Variants in NPC1 observed in about 807,000 individuals in gnomAD.
NPC1 encodes the protein Niemann-Pick C1 protein.
NPC1 carries 85 observed loss-of-function variants against 140.4 expected under a neutral mutation model. The ratio of observed to expected loss-of-function variants is 0.61; its 90% CI spans 0.51 to 0.72. NPC1 has a LOEUF of 0.72. NPC1 is among the 30% of genes least tolerant of loss of function. The pLI, the probability that NPC1 is intolerant of heterozygous loss-of-function variation, is 0.00. For missense variants in NPC1, 1,504 were observed against 1,623.8 expected, an observed-to-expected ratio of 0.93 and a Z score of 1.27; for synonymous variants, 656 against 624.8, an observed-to-expected ratio of 1.05 and a Z score of -0.74.
At chr18:23,528,044 G>A, downstream of NPC1, 1 of 671,818 alleles carries the variant, frequency 1.5e-6, no homozygotes, top group Non-Finnish European at 2.4e-6. Flanking sequence ...CAAGGTGGCA[G>A]TAGTGGGGGA....
chr18:23,560,512 T>G, intron 5 of NPC1, 32 bp from the exon 6 acceptor site: 1 of 1,611,924 alleles, frequency 6.2e-7, no homozygotes, highest in Non-Finnish European at 8.5e-7. Context: ...AGTACAAATC[T>G]CAATTAAAAA....
rs772150994 is a variant in NPC1 at position 23,544,950 on chromosome 18, C to CCCCCCG, written c.1947+9_1947+10insCGGGGG. 2.1e-6 allele frequency: 3 copies of CCCCCCG among 1,415,874 alleles called. No individual in the cohort carries two copies. The highest frequency in any genetic ancestry group is 1.4e-5 in the African/African-American group (1 of 71,462). 87.7% of individuals were successfully genotyped at this position (1,415,874 alleles called of 1,614,324 possible). ...ACCTCTAGAACATACACCACCCCCCCCCGGCTTACCAGAAGCCTGCGACAG... is the reference window on the plus strand; with the variant it reads ...ACCTCTAGAACATACACCACCCCCCCCCCCCGCCGGCTTACCAGAAGCCTGCGACAG... On this transcript the variant is annotated intron_variant, in intron 12 of 24. Transcript: ENST00000269228.
At chr18:23,538,988 G>A (rs1240411854) in intron 19 of NPC1, 1 of 451,216 alleles carries the variant, frequency 2.2e-6, no homozygotes, top group Non-Finnish European at 4.0e-6. Context: ...AAATTCCAGG[G>A]CAACCTCGAC....
chr18:23,543,330 GAGAAAAAAAAAAAAA>G (rs1174684641), intron 14 of NPC1, 110 bp downstream of exon 14: 7 of 515,792 alleles, frequency 1.4e-5, no homozygotes, highest in East Asian at 6.8e-5. Flanking sequence ...CTCCGTCTCA[GAGAAAAAAAAAAAAA>G]AGAAAAAAAA....
chr18:23,530,191 A>C, downstream of NPC1: 1 of 1,613,664 alleles, frequency 6.2e-7, no homozygotes, highest in Non-Finnish European at 8.5e-7. Context: ...TTTAACCGTT[A>C]TCTTTCCAAC....
chr18:23,537,894 T>C (rs1427626011), intron 20 of NPC1, among the ~76,000 whole-genome samples: 1 of 152,228 alleles, frequency 6.6e-6, no homozygotes, highest in Non-Finnish European at 1.5e-5. Context: ...TCTGGTCAGA[T>C]GTATGTTCTT....
intron 3 of NPC1, chr18:23,507,049 A>G (rs780165634): frequency 1.3e-6 from 2 of 1,599,586 alleles, no homozygotes; most frequent in South Asian, 1.1e-5. Flanking sequence ...GACCTCAAAG[A>G]CTGTGGTAAG....
At chr18:23,520,095 C>G (rs1019476870), downstream of NPC1, 2 of 806,460 alleles carry the variant, frequency 2.5e-6, no homozygotes, top group Non-Finnish European at 4.2e-6. Context: ...GGAGGAAATG[C>G]AAACACAGGC....
Position 23,560,348 on chromosome 18 carries a change from G to C in NPC1, c.764C>G (p.Pro255Arg), listed in dbSNP as rs371023983. ...AAGGATCGTCCAGGGAGCAGGAGGAGGTGGGGGCTGGGGCTTGGGGCCACA... is the reference window on the plus strand; with the variant it reads ...AAGGATCGTCCAGGGAGCAGGAGGACGTGGGGGCTGGGGCTTGGGGCCACA... Reference protein sequence around the residue: ...IVCGPKPQPPPPPAPWTILGL... With the variant: ...IVCGPKPQPPRPPAPWTILGL... The change falls in exon 6 of 25, where the codon CCT (proline) becomes CGT (arginine). Residue 255 changes from proline (P) to arginine (R), a missense_variant. Pro to Arg is a moderately radical substitution (Grantham distance 103). Transcript: ENST00000269228. The C allele has an allele frequency of 5.6e-6, 9 of 1,614,134 alleles. No individual in the cohort carries two copies. The highest frequency in any genetic ancestry group is 7.6e-6 in the Non-Finnish European group (9 of 1,180,054).
intron 9 of NPC1, 49 bp downstream of exon 9, chr18:23,554,709 A>T (rs1410869978): frequency 6.8e-7 from 1 of 1,466,120 alleles, no homozygotes; most frequent in Admixed American, 1.7e-5. Flanking sequence ...ATGTACCCTA[A>T]GTCAGACCCA....
chr18:23,583,463 TA>T (rs1170634961), intron 1 of NPC1, among the ~76,000 whole-genome samples: 8 of 152,122 alleles, frequency 5.3e-5, no homozygotes, highest in Non-Finnish European at 1.0e-4. Flanking sequence ...ATGTCGTAGA[TA>T]ATGTAGCATG....
At position 23,543,436 on chromosome 18, in the gene NPC1, G is replaced by A. The variant is rs374377081; in HGVS notation, c.2245+19C>T. On this transcript the variant is annotated intron_variant, in intron 14 of 24. Transcript: ENST00000269228. ...GGCTCAGCAGACTACAGGACTGGTA[G>A]GATTGAAAGCATAATTACCTAAGAA... The A allele has an allele frequency of 5.7e-6, 8 of 1,391,626 alleles. No individual in the cohort carries two copies. The Admixed American group carries it at 8.4e-5, about 15-fold the overall frequency. 86.2% of individuals were successfully genotyped at this position (1,391,626 alleles called of 1,614,324 possible).
chr18:23,523,166 T>C (rs1339985227), intron 1 of NPC1, among the ~76,000 whole-genome samples: 1 of 152,222 alleles, frequency 6.6e-6, no homozygotes, highest in East Asian at 1.9e-4. Flanking sequence ...GGCTCTTTCC[T>C]ACCTTTGGGT....
At position 23,532,233 on chromosome 18, in the gene NPC1, C is replaced by A; in HGVS notation, c.3806G>T (p.Gly1269Val). 1 of 1,614,136 alleles carries A rather than the reference C, an allele frequency of 6.2e-7. No individual in the cohort carries two copies. Among genetic ancestry groups the A allele is most frequent in the Non-Finnish European group, 8.5e-7 (1 of 1,180,030 alleles). Residue 1269 changes from glycine (G) to valine (V), a missense_variant, in exon 25 of 25, where the codon GGA becomes GTA. Physicochemically the swap from Gly to Val is moderately radical, Grantham distance 109. Transcript: ENST00000269228. ...KSCATEERYK[G>V]TERERLLNF ...ATTTAGAAGCCGTTCGCGCTCTGTT[C>A]CTTTGTATCGCTCTTCAGTGGCACA...
In NPC1 at chr18:23,548,042, G is replaced by A; in HGVS notation, c.1721C>T (p.Thr574Ile). Reference protein sequence around the residue: ...TFPVNNYYNDTEKLQRAQAWE... With the variant: ...TFPVNNYYNDIEKLQRAQAWE... ...GGCCTGGGCCCTCTGGAGCTTCTCTGTATCATTATAGTAATTATTGACAGG... is the reference window on the plus strand; with the variant it reads ...GGCCTGGGCCCTCTGGAGCTTCTCTATATCATTATAGTAATTATTGACAGG... The change falls in exon 11 of 25, where the codon ACA becomes ATA. Residue 574 changes from threonine (T) to isoleucine (I), a missense_variant. Transcript: ENST00000269228. 6.2e-7 allele frequency: 1 copy of A among 1,611,558 alleles called. No homozygotes were observed. Among genetic ancestry groups the A allele is most frequent in the South Asian group, 1.1e-5 (1 of 90,992 alleles).
chr18:23,513,705 C>CTGTTT (rs527679820), intron 3 of NPC1, among the ~76,000 whole-genome samples: 40 of 152,284 alleles, frequency 2.6e-4, no homozygotes, highest in Admixed American at 2.0e-4. Flanking sequence ...CCAACACTTG[C>CTGTTT]TGTTTTGTTT....
chr18:23,541,517 A>AT, intron 14 of NPC1, 84 bp from the exon 15 acceptor site: 1 of 1,583,310 alleles, frequency 6.3e-7, no homozygotes, highest in Non-Finnish European at 8.6e-7. Context: ...GCATGTACAG[A>AT]TACAAGGAGC....
intron 23 of NPC1, 117 bp downstream of exon 23, chr18:23,534,329 G>A: frequency 1.3e-6 from 1 of 758,774 alleles, no homozygotes; most frequent in African/African-American, 1.7e-5. Flanking sequence ...TGAATTGCCT[G>A]AAAGCTTGCA....
In NPC1 at chr18:23,544,485, G is replaced by A. The variant is rs550696790; in HGVS notation, c.1989C>T (p.Ile663=). 1.2e-6 allele frequency: 2 copies of A among 1,614,184 alleles called. No individual in the cohort carries two copies. The highest frequency in any genetic ancestry group is 1.7e-6 in the Non-Finnish European group (2 of 1,180,026). The change falls in exon 13 of 25, where the codon ATC becomes ATT. Residue 663 remains isoleucine (I), a synonymous_variant. Transcript: ENST00000269228. ...KVSLGIAGIL[I]VLSSVACSLG... ...AGGAGCAAGCCACCGAGCTCAGCAC[G>A]ATCAAGATGCCCGCGATGCCTAGTG...
Sources: gnomAD v4.1 joint callset for allele counts (sites outside exome capture counted in the v4.1 genomes callset) on GRCh38, gnomAD v4.1.1 for gene constraint, MANE v1.5 for transcripts, NCBI Gene and HGNC (gene_info 2026-07-23, HGNC 2026-07-21) for gene names.